MAP2K1: variants seen among roughly 807,000 people sequenced by gnomAD.
MAP2K1 encodes the protein mitogen-activated protein kinase kinase 1, also known as dual specificity mitogen-activated protein kinase kinase 1.
MAP2K1 carries 16 observed loss-of-function variants against 46.3 expected under a neutral mutation model. The ratio of observed to expected loss-of-function variants is 0.35; its 90% CI spans 0.23 to 0.52. MAP2K1 has a LOEUF of 0.52. Ranked by LOEUF, MAP2K1 falls within the 20% of genes least tolerant of loss-of-function variation. MAP2K1 has a pLI of 0.94. For synonymous variants in MAP2K1, 183 were observed against 185.6 expected (o/e 0.99, Z 0.11); for missense variants, 263 against 497.1 (o/e 0.53, Z 4.48).
intron 9 of MAP2K1, chr15:66,489,509 G>A (rs1388555990): frequency 6.0e-6 from 4 of 670,130 alleles, no homozygotes; most frequent in Non-Finnish European, 1.1e-5. Context: ...GCTCTCCAGG[G>A]ATTGGCACGT....
At chr15:66,431,856 C>G (rs2093475736) in intron 1 of MAP2K1, among the ~76,000 whole-genome samples, 1 of 152,132 alleles carries the variant, frequency 6.6e-6, no homozygotes, top group Admixed American at 6.5e-5. Context: ...TCTCCTCCCC[C>G]ACTGACAGGC....
chr15:66,397,966 G>A (rs1178445520), intron 1 of MAP2K1, among the ~76,000 whole-genome samples: 1 of 152,168 alleles, frequency 6.6e-6, no homozygotes, highest in African/African-American at 2.4e-5. Context: ...GCCAGGTGTG[G>A]TGGCACGTGC....
chr15:66,452,163 G>A (rs1299001560), intron 5 of MAP2K1, among the ~76,000 whole-genome samples: 1 of 132,184 alleles, frequency 7.6e-6, no homozygotes, highest in South Asian at 2.6e-4. Flanking sequence ...GGGAGGGATA[G>A]CATTGGGAGA....
intron 2 of MAP2K1, among the ~76,000 whole-genome samples, chr15:66,435,639 A>G (rs556441122): frequency 6.6e-6 from 1 of 152,184 alleles, no homozygotes; most frequent in South Asian, 2.1e-4. Context: ...TGCTGTTTGA[A>G]TTTTGAATGC....
At chr15:66,395,903 A>G (rs987248182) in intron 1 of MAP2K1, among the ~76,000 whole-genome samples, 4 of 151,792 alleles carry the variant, frequency 2.6e-5, no homozygotes, top group Non-Finnish European at 4.4e-5. Flanking sequence ...ACTTGCCACT[A>G]CACTTTAACT....
At chr15:66,442,890 C>G (rs1304026457) in intron 3 of MAP2K1, among the ~76,000 whole-genome samples, 3 of 152,230 alleles carry the variant, frequency 2.0e-5, no homozygotes, top group East Asian at 3.9e-4. Flanking sequence ...CTCAGGGAAA[C>G]ACTTAATTTT....
At chr15:66,482,882 T>G (rs1470317500) in intron 6 of MAP2K1, among the ~76,000 whole-genome samples, 2 of 151,114 alleles carry the variant, frequency 1.3e-5, no homozygotes, top group African/African-American at 4.9e-5. Context: ...TGGCGGGGAG[T>G]GCAGGCCCGC....
chr15:66,392,459 A>G (rs757870276), intron 1 of MAP2K1, among the ~76,000 whole-genome samples: 1 of 150,376 alleles, frequency 6.6e-6, no homozygotes, highest in Non-Finnish European at 1.5e-5. Flanking sequence ...AATTATAGGT[A>G]TGAGCCACTG....
Position 66,395,987 on chromosome 15 carries a change from A to G in MAP2K1, c.80+8560A>G, listed in dbSNP as rs191970988. ...CCGTCTGCTGTGGGGCCTAGAATAAAATAAATGGTACCCATCTTTTTTGTT... is the reference window on the plus strand; with the variant it reads ...CCGTCTGCTGTGGGGCCTAGAATAAGATAAATGGTACCCATCTTTTTTGTT... On this transcript the variant is annotated intron_variant, in intron 1 of 10. Transcript: ENST00000307102. Among the ~76,000 whole-genome samples the G allele has an allele frequency of 6.6e-5, 10 of 152,270 alleles. No homozygotes were observed. The East Asian group carries it at 1.9e-3, about 29-fold the overall frequency.
chr15:66,413,054 C>T (rs994846818), intron 1 of MAP2K1, among the ~76,000 whole-genome samples: 1 of 152,112 alleles, frequency 6.6e-6, no homozygotes, highest in Non-Finnish European at 1.5e-5. Context: ...CGCCACCACG[C>T]CCAGCTAATT....
In MAP2K1 at chr15:66,432,959, AGTGTGTGT is replaced by A. The variant is rs1164509967; in HGVS notation, c.81-2033_81-2026del. ...CTCCTTCCATTCCCCCATCATGCAC[AGTGTGTGT>A]GTGTGTGTGTGTGTGTGTGTGTGTG... On this transcript the variant is annotated intron_variant, in intron 1 of 10. Transcript: ENST00000307102. 1.9e-3 allele frequency among the ~76,000 whole-genome samples: 250 copies of A among 131,994 alleles called. 1 individual carries two copies. Among genetic ancestry groups the A allele is most frequent in the East Asian group, 3.5e-3 (15 of 4,288 alleles). 86.6% of individuals were successfully genotyped at this position (131,994 alleles called of 152,430 possible).
chr15:66,436,664 T>C, intron 2 of MAP2K1, 82 bp from the exon 3 acceptor site: 1 of 1,385,632 alleles, frequency 7.2e-7, no homozygotes, highest in Non-Finnish European at 1.0e-6. Flanking sequence ...TTAAAGAGCT[T>C]AAACATTTAA....
At chr15:66,462,732 C>T (rs1201245333) in intron 5 of MAP2K1, among the ~76,000 whole-genome samples, 2 of 152,082 alleles carry the variant, frequency 1.3e-5, no homozygotes, top group Non-Finnish European at 2.9e-5. Flanking sequence ...GGAGGCTTCA[C>T]AGAGGAGCTG....
chr15:66,446,619 G>A (rs1333309698), intron 5 of MAP2K1: 1 of 305,154 alleles, frequency 3.3e-6, no homozygotes, highest in East Asian at 9.3e-5. Flanking sequence ...TCACTGTGTT[G>A]TTCTTTGCTT....
intron 5 of MAP2K1, among the ~76,000 whole-genome samples, chr15:66,465,898 A>G (rs1892452987): frequency 6.6e-6 from 1 of 152,212 alleles, no homozygotes; most frequent in Admixed American, 6.5e-5. Context: ...TTTGCTCTGT[A>G]GAAGGAATCT....
rs1357704931 is a variant in MAP2K1 at position 66,439,779 on chromosome 15, T to C, written c.438+2887T>C. 2.0e-5 allele frequency among the ~76,000 whole-genome samples: 3 copies of C among 150,924 alleles called. No individual in the cohort carries two copies. The East Asian group carries it at 5.9e-4, about 30-fold the overall frequency. On this transcript the variant is annotated intron_variant, in intron 3 of 10. Coordinates refer to ENST00000307102, the MANE Select transcript of MAP2K1 (RefSeq NM_002755.4). ...AAAACTCAGTCTCAAAAAAAAAAAT[T>C]ACAAAAATTAGCTGGCGTGGAGGCA...
At chr15:66,425,762 C>G (rs1427917575) in intron 1 of MAP2K1, among the ~76,000 whole-genome samples, 1 of 152,218 alleles carries the variant, frequency 6.6e-6, no homozygotes, top group African/African-American at 2.4e-5. Context: ...AACAATATCC[C>G]ACTTCATAGT....
rs1450803477 is a variant in MAP2K1, at chr15:66,420,723, G to GTATATA, written c.81-14303_81-14302insATATAT. ...ACTCTTGGCATATATATATATATATGTGTGTGTGTGTGTGTGTGTGTGTGT... is the reference window on the plus strand; with the variant it reads ...ACTCTTGGCATATATATATATATATGTATATATGTGTGTGTGTGTGTGTGTGTGTGT... On this transcript the variant is annotated intron_variant, in intron 1 of 10. Transcript: ENST00000307102. Among the ~76,000 whole-genome samples the GTATATA allele has an allele frequency of 4.4e-3, 144 of 32,952 alleles. 16 individuals are homozygous for GTATATA. Among genetic ancestry groups the GTATATA allele is most frequent in the Non-Finnish European group, 6.2e-3 (107 of 17,250 alleles). The allele number at this position is 32,952 out of a possible 152,430, so 21.6% of individuals were successfully genotyped here. A position where few individuals can be genotyped will look rare whatever the true frequency, so the allele number is the denominator to read the frequency against.
intron 5 of MAP2K1, among the ~76,000 whole-genome samples, chr15:66,473,114 A>T (rs893170555): frequency 6.6e-6 from 1 of 152,200 alleles, no homozygotes; most frequent in Admixed American, 6.5e-5. Flanking sequence ...TGATACTGTG[A>T]TACATTGCAT....
Sources: allele counts gnomAD v4.1 joint callset (sites outside exome capture counted in the v4.1 genomes callset), GRCh38; gene constraint gnomAD v4.1.1; transcripts MANE v1.5; gene names NCBI Gene and HGNC (gene_info 2026-07-23, HGNC 2026-07-21).